DPP6: variants seen among roughly 807,000 people sequenced by gnomAD.
DPP6 encodes the protein A-type potassium channel modulatory protein DPP6.
Under a neutral mutation model 122.6 loss-of-function variants are expected in DPP6, and 69 were observed. The observed-to-expected ratio is 0.56, with a 90% CI of 0.46 to 0.69. The LOEUF (loss-of-function observed/expected upper bound fraction) is 0.69, where lower values mean the gene tolerates loss of function less well. DPP6 is among the 30% of genes least tolerant of loss of function. DPP6 has a pLI of 0.00. For missense variants in DPP6, 928 were observed against 1,116.9 expected (o/e 0.83, Z 2.41); for synonymous variants, 418 against 433.1 (o/e 0.97, Z 0.43).
At chr7:154,464,952 G>A (rs368118694) in intron 2 of DPP6, among the ~76,000 whole-genome samples, 5 of 152,036 alleles carry the variant, frequency 3.3e-5, no homozygotes, top group East Asian at 1.9e-4. Context: ...GTATACCTAC[G>A]ATAAAATTTA....
At chr7:154,629,388 ATAACTTT>A in intron 5 of DPP6, among the ~76,000 whole-genome samples, 1 of 151,820 alleles carries the variant, frequency 6.6e-6, no homozygotes, top group East Asian at 1.9e-4. Context: ...TCTCATGCAG[ATAACTTT>A]CCTTTTTTTT....
chr7:154,287,028 C>A (rs1370448479), intron 1 of DPP6, among the ~76,000 whole-genome samples: 1 of 152,096 alleles, frequency 6.6e-6, no homozygotes, highest in Non-Finnish European at 1.5e-5. Flanking sequence ...GTCCTAAACT[C>A]CTGACCTCAA....
At chr7:154,164,122 G>A (rs368569008) in intron 1 of DPP6, among the ~76,000 whole-genome samples, 71 of 149,266 alleles carry the variant, frequency 4.8e-4, no homozygotes, top group Non-Finnish European at 8.2e-4. Context: ...TTGGGCCATC[G>A]TGTATTTTCC....
At chr7:154,336,624 G>C (rs7802126) in intron 1 of DPP6, among the ~76,000 whole-genome samples, 1 of 152,294 alleles carries the variant, frequency 6.6e-6, no homozygotes, top group Admixed American at 6.5e-5. Flanking sequence ...ATTCCAAAAG[G>C]CATGTGATTC....
chr7:154,046,729 G>A (rs1308566629), intron 1 of DPP6, among the ~76,000 whole-genome samples: 1 of 152,190 alleles, frequency 6.6e-6, no homozygotes, highest in Non-Finnish European at 1.5e-5. Context: ...ACTTGGACCT[G>A]GGGGCCAACT....
At chr7:154,591,549 G>A (rs1280236411) in intron 5 of DPP6, among the ~76,000 whole-genome samples, 1 of 152,214 alleles carries the variant, frequency 6.6e-6, no homozygotes, top group Non-Finnish European at 1.5e-5. Context: ...TTTGGGTAGA[G>A]AGTGAGATAA....
intron 1 of DPP6, among the ~76,000 whole-genome samples, chr7:153,988,792 C>T (rs1461002222): frequency 6.6e-6 from 1 of 152,140 alleles, no homozygotes; most frequent in Non-Finnish European, 1.5e-5. Context: ...ATAAATGAAT[C>T]CCGGAAATGC....
chr7:154,819,800 G>A (rs1009696970), intron 16 of DPP6, among the ~76,000 whole-genome samples: 2 of 152,224 alleles, frequency 1.3e-5, no homozygotes, highest in Non-Finnish European at 2.9e-5. Flanking sequence ...CTGTTAAAGT[G>A]AAAGCCAGAC....
At chr7:154,012,115 T>G (rs1342412765) in intron 1 of DPP6, among the ~76,000 whole-genome samples, 2 of 152,190 alleles carry the variant, frequency 1.3e-5, no homozygotes, top group Non-Finnish European at 2.9e-5. Flanking sequence ...GCAACTGTCC[T>G]GGGGTCACAA....
At chr7:154,191,532 C>T (rs911265874) in intron 1 of DPP6, among the ~76,000 whole-genome samples, 1 of 152,198 alleles carries the variant, frequency 6.6e-6, no homozygotes, top group Non-Finnish European at 1.5e-5. Flanking sequence ...GACCAGCCTG[C>T]ATTTACCCTT....
Position 154,755,633 on chromosome 7 carries a change from A to G in DPP6, c.884-13784A>G, listed in dbSNP as rs1843626961. Among the ~76,000 whole-genome samples the G allele has an allele frequency of 1.3e-5, 2 of 152,204 alleles. No individual in the cohort carries two copies. Among genetic ancestry groups the G allele is most frequent in the Non-Finnish European group, 2.9e-5 (2 of 68,034 alleles). On this transcript the variant is annotated intron_variant, in intron 8 of 25. Coordinates refer to ENST00000377770, the MANE Select transcript of DPP6 (RefSeq NM_130797.4). The surrounding 1 kb of genome is among the most constrained non-coding windows in gnomAD (Gnocchi z 4.7). ...CCGACTGCTGGGTGTGGCCATCACC[A>G]TCACCACCCTTCTAAGAGGACTTAC...
At chr7:154,792,433 A>G (rs1446911556) in intron 10 of DPP6, among the ~76,000 whole-genome samples, 1 of 152,300 alleles carries the variant, frequency 6.6e-6, no homozygotes, top group Non-Finnish European at 1.5e-5. Flanking sequence ...ACGTTGAATT[A>G]TATTTAAGGA....
chr7:154,097,648 G>C (rs1290968239), intron 1 of DPP6, among the ~76,000 whole-genome samples: 1 of 152,248 alleles, frequency 6.6e-6, no homozygotes. Flanking sequence ...ATGCACATTT[G>C]TTACCCACAG....
rs376155168 is a variant in DPP6 at position 154,348,652 on chromosome 7, C to T, written c.244-97562C>T. Among the ~76,000 whole-genome samples, 36 of 152,234 alleles carry T rather than the reference C, an allele frequency of 2.4e-4. 1 individual carries two copies. Among genetic ancestry groups the T allele is most frequent in the East Asian group, 2.3e-3 (12 of 5,182 alleles). ...GGTCAGGTTCTGTTCATTTCATTATCGTCACTCTTCTCGGTTGCATAATTG... is the reference window on the plus strand; with the variant it reads ...GGTCAGGTTCTGTTCATTTCATTATTGTCACTCTTCTCGGTTGCATAATTG... On this transcript the variant is annotated intron_variant, in intron 1 of 25. Coordinates refer to ENST00000377770, the MANE Select transcript of DPP6 (RefSeq NM_130797.4).
At chr7:154,360,533 T>A (rs572930062) in intron 1 of DPP6, among the ~76,000 whole-genome samples, 3 of 152,292 alleles carry the variant, frequency 2.0e-5, no homozygotes, top group Admixed American at 6.5e-5. Context: ...TGTGAATGCG[T>A]GTGTTGCTAC....
upstream of DPP6, among the ~76,000 whole-genome samples, chr7:153,883,634 C>T (rs754151124): frequency 6.6e-5 from 10 of 152,208 alleles, no homozygotes; most frequent in Non-Finnish European, 1.3e-4. Context: ...CCCGCCTCGG[C>T]CTCCCAAAGT....
At chr7:154,289,036 G>A (rs1358008783) in intron 1 of DPP6, among the ~76,000 whole-genome samples, 1 of 152,176 alleles carries the variant, frequency 6.6e-6, no homozygotes, top group Non-Finnish European at 1.5e-5. Context: ...TGTTTGAAAA[G>A]GACGGCTTGC....
At chr7:154,316,575 C>T (rs1046739027) in intron 1 of DPP6, among the ~76,000 whole-genome samples, 17 of 152,164 alleles carry the variant, frequency 1.1e-4, no homozygotes, top group African/African-American at 4.1e-4. Flanking sequence ...GGTTGATCTT[C>T]TATTTCTCAG....
chr7:154,284,186 G>A (rs554844566), intron 1 of DPP6, among the ~76,000 whole-genome samples: 200 of 152,278 alleles, frequency 1.3e-3, no homozygotes, highest in Non-Finnish European at 4.1e-4. Context: ...TGAGGGGACT[G>A]TGAGATGCCT....
Sources: gnomAD v4.1 joint callset for allele counts (sites outside exome capture counted in the v4.1 genomes callset) on GRCh38, gnomAD v4.1.1 for gene constraint, Gnocchi (gnomAD v3.1) non-coding constraint, MANE v1.5 for transcripts, NCBI Gene and HGNC (gene_info 2026-07-23, HGNC 2026-07-21) for gene names.